The following GLRA2 variants were observed in gnomAD, a reference collection of about 807,000 sequenced individuals.
The protein encoded by GLRA2 is glycine receptor subunit alpha-2.
A neutral mutation model predicts 31.6 loss-of-function variants in GLRA2; 11 were observed. That is an observed-to-expected ratio of 0.35 (90% CI 0.22 to 0.58). The LOEUF (loss-of-function observed/expected upper bound fraction) is 0.58. GLRA2 is among the 20% of genes least tolerant of loss of function. The pLI is 0.84. For synonymous variants in GLRA2, 132 were observed against 134.0 expected (o/e 0.99, Z 0.10); for missense variants, 212 against 351.8 (o/e 0.60, Z 3.18).
chrX:14,471,922 G>T, the GLRA2 span, among the ~76,000 whole-genome samples: 1 of 112,318 alleles, frequency 8.9e-6, no homozygotes, highest in African/African-American at 3.2e-5. Flanking sequence ...TTTTGGTTGT[G>T]TGAGAATGGT....
chrX:14,569,783 A>G (rs768264782), intron 2 of GLRA2, among the ~76,000 whole-genome samples: 21 of 112,430 alleles, frequency 1.9e-4, no homozygotes, highest in Middle Eastern at 4.6e-3. Context: ...AAAAGCAGGG[A>G]CTCAAACCTA....
chrX:14,568,491 G>A (rs1180643160), intron 2 of GLRA2, among the ~76,000 whole-genome samples: 2 of 109,686 alleles, frequency 1.8e-5, no homozygotes, highest in African/African-American at 6.7e-5. Context: ...TCAGGAGTTC[G>A]AGACCAACCT....
At chrX:14,703,070 G>A (rs1032831913) in intron 8 of GLRA2, among the ~76,000 whole-genome samples, 2 of 111,766 alleles carry the variant, frequency 1.8e-5, no homozygotes, top group Middle Eastern at 4.7e-3. Flanking sequence ...GCATGGTTTC[G>A]TGGGCTATGC....
At chrX:14,629,189 T>A (rs974351527) in intron 7 of GLRA2, among the ~76,000 whole-genome samples, 4 of 111,203 alleles carry the variant, frequency 3.6e-5, no homozygotes, top group African/African-American at 9.8e-5. Context: ...GGACAACACA[T>A]CAGGGTTGGA....
the GLRA2 span, among the ~76,000 whole-genome samples, chrX:14,456,048 CAT>C: frequency 9.0e-6 from 1 of 111,321 alleles, no homozygotes. Context: ...ATAGAATACA[CAT>C]GATTTTTATT....
chrX:14,616,669 T>A, intron 7 of GLRA2, among the ~76,000 whole-genome samples: 1 of 112,112 alleles, frequency 8.9e-6, no homozygotes, highest in South Asian at 3.7e-4. Flanking sequence ...AAAGATTTGT[T>A]TGGATATCTG....
chrX:14,565,842 A>G (rs1261078198), intron 2 of GLRA2, among the ~76,000 whole-genome samples: 2 of 111,728 alleles, frequency 1.8e-5, no homozygotes, highest in Non-Finnish European at 3.8e-5. Context: ...GCTTAGAGGA[A>G]AATGTATAAT....
At chrX:14,466,592 T>G in the GLRA2 span, among the ~76,000 whole-genome samples, 1 of 111,418 alleles carries the variant, frequency 9.0e-6, no homozygotes, top group Non-Finnish European at 1.9e-5. Context: ...CACAGGGATT[T>G]TTTTTGTGGT....
intron 2 of GLRA2, among the ~76,000 whole-genome samples, chrX:14,565,751 G>A (rs1478231773): frequency 2.7e-5 from 3 of 111,282 alleles, no homozygotes; most frequent in Admixed American, 9.6e-5. Flanking sequence ...ATAAATCAAA[G>A]AAGAAATCAC....
chrX:14,566,057 G>C (rs977866887), intron 2 of GLRA2, among the ~76,000 whole-genome samples: 4 of 111,242 alleles, frequency 3.6e-5, no homozygotes, highest in Non-Finnish European at 7.6e-5. Flanking sequence ...CAGCCAAATT[G>C]ATAAACATTT....
At chrX:14,640,423 A>C (rs1177153927) in intron 7 of GLRA2, among the ~76,000 whole-genome samples, 1 of 112,133 alleles carries the variant, frequency 8.9e-6, no homozygotes, top group Admixed American at 9.5e-5. Context: ...TTTGTCAGAC[A>C]CAAAGTCTTC....
At chrX:14,654,046 G>A (rs2090916008) in intron 7 of GLRA2, among the ~76,000 whole-genome samples, 1 of 111,735 alleles carries the variant, frequency 8.9e-6, no homozygotes, top group Non-Finnish European at 1.9e-5. Context: ...GATTGCTTGA[G>A]CCCAGGAAGT....
At chrX:14,515,399 T>C in the GLRA2 span, among the ~76,000 whole-genome samples, 3 of 112,249 alleles carry the variant, frequency 2.7e-5, no homozygotes, top group Non-Finnish European at 5.6e-5. Context: ...CTAATCCTGA[T>C]GATCCCAGTT....
At chrX:14,644,833 CAGA>C (rs2090812664) in intron 7 of GLRA2, among the ~76,000 whole-genome samples, 1 of 111,887 alleles carries the variant, frequency 8.9e-6, no homozygotes, top group Non-Finnish European at 1.9e-5. Flanking sequence ...GAAAGACAAA[CAGA>C]AGAAAATAAT....
the GLRA2 span, among the ~76,000 whole-genome samples, chrX:14,481,060 T>G: frequency 9.0e-6 from 1 of 111,516 alleles, no homozygotes; most frequent in Non-Finnish European, 1.9e-5. Context: ...AGCAGTGCTT[T>G]GTAGTTCTCT....
chrX:14,458,349 T>C, the GLRA2 span, among the ~76,000 whole-genome samples: 1 of 112,021 alleles, frequency 8.9e-6, no homozygotes, highest in Non-Finnish European at 1.9e-5. Flanking sequence ...CATGTGTCTT[T>C]ATAGCAGCAT....
At chrX:14,701,795 T>A (rs771735655) in intron 8 of GLRA2, among the ~76,000 whole-genome samples, 2 of 112,609 alleles carry the variant, frequency 1.8e-5, no homozygotes, top group African/African-American at 6.5e-5. Context: ...GCACAGACCT[T>A]CTTAAGGGAG....
At chrX:14,611,500 T>A (rs1486386549) in intron 7 of GLRA2, among the ~76,000 whole-genome samples, 1 of 113,153 alleles carries the variant, frequency 8.8e-6, no homozygotes, top group Non-Finnish European at 1.9e-5. Flanking sequence ...TTTTACACCA[T>A]CTTAGATATT....
At chrX:14,702,822 C>T (rs775091318) in intron 8 of GLRA2, among the ~76,000 whole-genome samples, 1 of 111,298 alleles carries the variant, frequency 9.0e-6, no homozygotes, top group Admixed American at 9.6e-5. Flanking sequence ...GGCACTTGGA[C>T]AGGGTTGCGT....
Sources: allele counts gnomAD v4.1 joint callset (sites outside exome capture counted in the v4.1 genomes callset), GRCh38; gene constraint gnomAD v4.1.1; transcripts MANE v1.5; gene names NCBI Gene and HGNC (gene_info 2026-07-23, HGNC 2026-07-21).